TTC7A: variants seen among roughly 807,000 people sequenced by gnomAD.
The protein encoded by TTC7A is tetratricopeptide repeat protein 7A.
A neutral mutation model predicts 103.7 loss-of-function variants in TTC7A; 110 were observed. That is an observed-to-expected ratio of 1.06 (90% confidence interval 0.91 to 1.24). The LOEUF (loss-of-function observed/expected upper bound fraction) is 1.24, where lower values mean the gene tolerates loss of function less well. Among genes scored for constraint, TTC7A ranks in the 50% most tolerant of loss-of-function variants. The probability of loss-of-function intolerance (pLI) is 0.00; values close to 1 mark genes in which losing one functional copy is unlikely to be tolerated. For missense variants in TTC7A, 1,340 were observed against 1,116.3 expected (o/e 1.20, Z -2.86); for synonymous variants, 521 against 467.9 (o/e 1.11, Z -1.47).
At chr2:46,999,770 C>T (rs1676604629) in intron 8 of TTC7A, 1 of 985,304 alleles carries the variant, frequency 1.0e-6, no homozygotes, top group Admixed American at 6.1e-5. Context: ...TGATCTGGGG[C>T]ATAAAAATAT....
At chr2:46,963,294 C>A (rs1043358000) in intron 3 of TTC7A, among the ~76,000 whole-genome samples, 1 of 152,234 alleles carries the variant, frequency 6.6e-6, no homozygotes, top group African/African-American at 2.4e-5. Context: ...CTTTCTTATT[C>A]GGAGAGGCTG....
chr2:47,005,644 G>A (rs563192886), intron 8 of TTC7A, among the ~76,000 whole-genome samples: 1 of 152,304 alleles, frequency 6.6e-6, no homozygotes, highest in African/African-American at 2.4e-5. Context: ...TTTTCTGTAG[G>A]CTTGAAATTT....
upstream of TTC7A, among the ~76,000 whole-genome samples, chr2:46,939,041 C>T (rs2103869381): frequency 6.6e-6 from 1 of 150,890 alleles, no homozygotes; most frequent in South Asian, 2.1e-4. Context: ...CTTTGCGGGC[C>T]AGGGTGGGAG....
chr2:47,067,972 C>G (rs1476076576), intron 19 of TTC7A: 1 of 152,138 alleles, frequency 6.6e-6, no homozygotes, highest in Non-Finnish European at 1.5e-5. Context: ...CCCTAGCTGC[C>G]TTGTGGACAG....
intron 9 of TTC7A, among the ~76,000 whole-genome samples, chr2:47,006,427 C>T (rs1677394145): frequency 6.6e-6 from 1 of 152,176 alleles, no homozygotes; most frequent in Non-Finnish European, 1.5e-5. Flanking sequence ...AGGAGGTGAA[C>T]TGAGGGCCTG....
rs748080639 is a variant in TTC7A, at chr2:47,024,365, T to A, written c.1641+6T>A. On this transcript the variant is annotated splice_donor_region_variant and intron_variant, in intron 14 of 19. Transcript: ENST00000319190. ...AGCTGGCCCTCGTCCGACAGGTGGG[T>A]TGTCCGTGTTCCTAACCCCCGGGTC... The A allele has an allele frequency of 6.2e-7, 1 of 1,604,266 alleles. No individual in the cohort carries two copies. The highest frequency in any genetic ancestry group is 8.5e-7 in the Non-Finnish European group (1 of 1,175,642).
At chr2:46,953,378 C>T (rs1191608301) in intron 2 of TTC7A, among the ~76,000 whole-genome samples, 1 of 152,178 alleles carries the variant, frequency 6.6e-6, no homozygotes, top group Non-Finnish European at 1.5e-5. Flanking sequence ...TGGTCTTAAA[C>T]TCCTGGGATC....
chr2:47,075,805 A>C lies in TTC7A; in HGVS notation c.*1882A>C, dbSNP rs1005024042. 1.3e-5 allele frequency: 2 copies of C among 152,410 alleles called. No individual in the cohort carries two copies. Among genetic ancestry groups the C allele is most frequent in the African/African-American group, 4.8e-5 (2 of 41,444 alleles). The allele number at this position is 152,410 out of a possible 1,614,324, so 9.4% of individuals were successfully genotyped here. ...GCTAAAGCCTGGAGAGGGTAGGAGG[A>C]GGCAAGAGGGGTCCAGGCAGGGCTG... On this transcript the variant is annotated 3_prime_UTR_variant, in exon 20 of 20. Transcript: ENST00000319190.
In TTC7A at chr2:47,006,192, G is replaced by GACTTGACC. The variant is rs200441134; in HGVS notation, c.1203+133_1203+134insACTTGACC. On this transcript the variant is annotated intron_variant, in intron 9 of 19. Transcript: ENST00000319190. ...TGCTCTGCCGCTTTGACCTCGGCAAGTTGTACAAGTCTCAGCTTCCTCATT... is the reference window on the plus strand; with the variant it reads ...TGCTCTGCCGCTTTGACCTCGGCAAGACTTGACCTTGTACAAGTCTCAGCTTCCTCATT... 83,633 of 1,235,802 alleles carry GACTTGACC rather than the reference G, an allele frequency of 0.068. 3,256 individuals are homozygous for GACTTGACC. Among genetic ancestry groups the GACTTGACC allele is most frequent in the Admixed American group, 0.099 (4,198 of 42,206 alleles). The allele number at this position is 1,235,802 out of a possible 1,614,324, so 76.6% of individuals were successfully genotyped here.
chr2:47,066,218 T>G (rs1573084359), intron 19 of TTC7A: 1 of 152,246 alleles, frequency 6.6e-6, no homozygotes, highest in Admixed American at 6.5e-5. Flanking sequence ...CTTTATTGGT[T>G]CCCTCTTGCT....
chr2:47,026,603 G>T (rs1347323222), intron 14 of TTC7A, among the ~76,000 whole-genome samples: 1 of 152,222 alleles, frequency 6.6e-6, no homozygotes, highest in African/African-American at 2.4e-5. Flanking sequence ...CATGGAGTCA[G>T]TCACAGGAGC....
chr2:46,942,992 A>G (rs1014978642), intron 1 of TTC7A, among the ~76,000 whole-genome samples: 1 of 152,036 alleles, frequency 6.6e-6, no homozygotes, highest in African/African-American at 2.4e-5. Context: ...TGCAGCCTCA[A>G]CTTCCTGGGC....
At chr2:47,045,082 C>G (rs1056484055) in intron 15 of TTC7A, among the ~76,000 whole-genome samples, 1 of 152,180 alleles carries the variant, frequency 6.6e-6, no homozygotes, top group East Asian at 1.9e-4. Context: ...CCTGACAGTA[C>G]CGTGGTCTTG....
At chr2:46,957,925 T>A (rs933028646) in intron 3 of TTC7A, among the ~76,000 whole-genome samples, 3 of 152,146 alleles carry the variant, frequency 2.0e-5, no homozygotes, top group Admixed American at 1.3e-4. Flanking sequence ...TGTGACACAC[T>A]CTATTATAGA....
At chr2:46,946,569 G>A (rs1375311961) in intron 1 of TTC7A, among the ~76,000 whole-genome samples, 1 of 152,084 alleles carries the variant, frequency 6.6e-6, no homozygotes, top group Non-Finnish European at 1.5e-5. Context: ...GACTCTAGGC[G>A]TGTACCTCTA....
chr2:47,069,489 C>T (rs934278514), intron 19 of TTC7A, among the ~76,000 whole-genome samples: 1 of 152,126 alleles, frequency 6.6e-6, no homozygotes, highest in Middle Eastern at 3.2e-3. Context: ...TCTTTTGAGG[C>T]CCAGGGGGCT....
intron 19 of TTC7A, among the ~76,000 whole-genome samples, chr2:47,062,029 CAGG>C (rs774353322): frequency 6.6e-6 from 1 of 152,186 alleles, no homozygotes; most frequent in African/African-American, 2.4e-5. Flanking sequence ...ACAGAGGCAT[CAGG>C]AGAATGGCTC....
intron 1 of TTC7A, among the ~76,000 whole-genome samples, chr2:46,946,510 A>G (rs1670949933): frequency 6.6e-6 from 1 of 152,002 alleles, no homozygotes; most frequent in African/African-American, 2.4e-5. Flanking sequence ...TACAGCGTTG[A>G]ACTCTTGGGC....
Position 47,070,506 on chromosome 2 carries a change from C to T in TTC7A, c.2356-3196C>T, listed in dbSNP as rs1253697969. 5.3e-5 allele frequency among the ~76,000 whole-genome samples: 8 copies of T among 152,296 alleles called. No homozygotes were observed. In the East Asian group the frequency reaches 1.4e-3, roughly 26 times the overall value. On this transcript the variant is annotated intron_variant, in intron 19 of 19. Transcript: ENST00000319190. ...GTCCTTTGGGGAATAACAAAGCAGG[C>T]AGGAGGCTGGGGCGCTGTCCCTCTC... is the stretch of plus-strand genomic sequence containing the variant.
Sources: gnomAD v4.1 joint callset for allele counts (sites outside exome capture counted in the v4.1 genomes callset) on GRCh38, gnomAD v4.1.1 for gene constraint, MANE v1.5 for transcripts, NCBI Gene and HGNC (gene_info 2026-07-23, HGNC 2026-07-21) for gene names.